ZDHHC20: variants seen among roughly 807,000 people sequenced by gnomAD.
The protein encoded by ZDHHC20 is palmitoyltransferase ZDHHC20.
ZDHHC20 carries 43 observed loss-of-function variants against 57.8 expected under a neutral mutation model. The ratio of observed to expected loss-of-function variants is 0.74; its 90% CI spans 0.58 to 0.96. The LOEUF (loss-of-function observed/expected upper bound fraction) is 0.96, where lower values mean the gene tolerates loss of function less well. Among genes scored for constraint, ZDHHC20 ranks in the 40% least tolerant of loss-of-function variants. The pLI is 0.00. For missense variants in ZDHHC20, 391 were observed against 441.1 expected (o/e 0.89, Z 1.02); for synonymous variants, 157 against 153.0 (o/e 1.03, Z -0.19).
At chr13:21,447,191 C>T (rs555143253) in intron 1 of ZDHHC20, among the ~76,000 whole-genome samples, 8 of 150,966 alleles carry the variant, frequency 5.3e-5, no homozygotes, top group African/African-American at 1.2e-4. Flanking sequence ...AACCAGAGAC[C>T]GCCGAGGTGC....
chr13:21,392,718 C>A (rs1875962491), intron 7 of ZDHHC20, among the ~76,000 whole-genome samples: 1 of 152,120 alleles, frequency 6.6e-6, no homozygotes, highest in Non-Finnish European at 1.5e-5. Context: ...TCTACTCCAC[C>A]AGAACACGAG....
chr13:21,391,887 A>G (rs1226528963), intron 7 of ZDHHC20, 33 bp from the exon 8 acceptor site: 1 of 1,591,240 alleles, frequency 6.3e-7, no homozygotes, highest in East Asian at 2.2e-5. Context: ...TTTGAGGTCA[A>G]CCTCTAAAAT....
intron 9 of ZDHHC20, among the ~76,000 whole-genome samples, chr13:21,384,413 C>T (rs1467718981): frequency 6.9e-6 from 1 of 144,524 alleles, no homozygotes; most frequent in African/African-American, 2.5e-5. Flanking sequence ...GCACTTCAGC[C>T]TGAGCACTCA....
intron 10 of ZDHHC20, 47 bp from the exon 11 acceptor site, chr13:21,381,596 A>G: frequency 7.9e-7 from 1 of 1,260,650 alleles, no homozygotes. Context: ...ATGCTCAACT[A>G]TGGATACTTA....
intron 6 of ZDHHC20, 56 bp from the exon 7 acceptor site, chr13:21,400,549 A>C: frequency 2.6e-6 from 4 of 1,510,384 alleles, no homozygotes; most frequent in Non-Finnish European, 3.5e-6. Context: ...AAATTCACAG[A>C]AATAGAAAGT....
chr13:21,443,703 T>C (rs1883405323), intron 1 of ZDHHC20, among the ~76,000 whole-genome samples: 1 of 152,234 alleles, frequency 6.6e-6, no homozygotes. Flanking sequence ...GACAGACCAC[T>C]TAATTACTTA....
intron 1 of ZDHHC20, among the ~76,000 whole-genome samples, chr13:21,448,259 C>T (rs1311197027): frequency 1.2e-5 from 1 of 83,276 alleles, no homozygotes; most frequent in African/African-American, 3.9e-5. Context: ...TGCCCGGCCG[C>T]CCCTACTGGG....
chr13:21,412,866 G>A (rs1361531482), intron 4 of ZDHHC20, among the ~76,000 whole-genome samples: 1 of 151,224 alleles, frequency 6.6e-6, no homozygotes, highest in Non-Finnish European at 1.5e-5. Context: ...CTACTCAGGA[G>A]GCTGAGGCAG....
chr13:21,418,291 T>C (rs542112323), intron 3 of ZDHHC20, among the ~76,000 whole-genome samples: 2 of 152,198 alleles, frequency 1.3e-5, no homozygotes, highest in East Asian at 1.9e-4. Flanking sequence ...GATGACCTTA[T>C]AGGAGTAGAG....
chr13:21,379,261 A>C (rs914175341), intron 11 of ZDHHC20, among the ~76,000 whole-genome samples: 3 of 152,144 alleles, frequency 2.0e-5, no homozygotes, highest in Non-Finnish European at 4.4e-5. Context: ...AAATGGAGCT[A>C]AATGTCCAGA....
intron 1 of ZDHHC20, among the ~76,000 whole-genome samples, chr13:21,454,151 C>T (rs1319360223): frequency 6.6e-6 from 1 of 152,106 alleles, no homozygotes; most frequent in African/African-American, 2.4e-5. Context: ...CATGGCAAAA[C>T]CCCATCTCTA....
chr13:21,412,874 C>T (rs1879401297), intron 4 of ZDHHC20, among the ~76,000 whole-genome samples: 1 of 143,682 alleles, frequency 7.0e-6, no homozygotes, highest in African/African-American at 2.6e-5. Context: ...GAGGCTGAGG[C>T]AGGAAATCAC....
intron 7 of ZDHHC20, among the ~76,000 whole-genome samples, chr13:21,395,388 GTA>G (rs1442133223): frequency 6.7e-6 from 1 of 149,878 alleles, no homozygotes; most frequent in Admixed American, 6.7e-5. Flanking sequence ...ATGTTATTAA[GTA>G]TGTGACCTTC....
At chr13:21,419,317 C>T (rs941012984) in intron 3 of ZDHHC20, among the ~76,000 whole-genome samples, 2 of 152,208 alleles carry the variant, frequency 1.3e-5, no homozygotes, top group Non-Finnish European at 2.9e-5. Context: ...TACAGCATTA[C>T]TTGCTAATGT....
rs1017733708 is a variant in ZDHHC20 at position 21,391,721 on chromosome 13, C to T, written c.727+1G>A. On this transcript the variant is annotated splice_donor_variant, in intron 8 of 12. Transcript: ENST00000400590. LOFTEE classifies it high-confidence loss of function. Reference sequence around the variant, plus strand: ...ATTATAATTTATTTTAACCTACTTACCTATTGTTGTTCTATTTTTTCCAAC... The same window carrying T: ...ATTATAATTTATTTTAACCTACTTATCTATTGTTGTTCTATTTTTTCCAAC... 2 of 1,604,482 alleles carry T rather than the reference C, an allele frequency of 1.2e-6. No homozygotes were observed. Among genetic ancestry groups the T allele is most frequent in the African/African-American group, 1.3e-5 (1 of 74,220 alleles).
At chr13:21,421,038 T>A in intron 3 of ZDHHC20, 23 bp downstream of exon 3, 1 of 1,574,570 alleles carries the variant, frequency 6.4e-7, no homozygotes, top group South Asian at 1.1e-5. Context: ...AAACATTTGG[T>A]AATTTACCAA....
chr13:21,397,224 G>A (rs1876933216), intron 7 of ZDHHC20, among the ~76,000 whole-genome samples: 2 of 151,870 alleles, frequency 1.3e-5, no homozygotes, highest in Non-Finnish European at 2.9e-5. Context: ...GTAAAACCCC[G>A]TCTCTGCTAG....
intron 9 of ZDHHC20, among the ~76,000 whole-genome samples, chr13:21,386,801 G>A (rs1024778765): frequency 7.9e-5 from 12 of 152,034 alleles, no homozygotes; most frequent in South Asian, 2.1e-4. Context: ...CACCTGCCTC[G>A]GCCTCCCAAA....
chr13:21,452,415 A>G (rs1443672607), intron 1 of ZDHHC20, among the ~76,000 whole-genome samples: 1 of 152,220 alleles, frequency 6.6e-6, no homozygotes, highest in African/African-American at 2.4e-5. Flanking sequence ...TTACAAACAT[A>G]CAAAAACTGA....
Sources: gnomAD v4.1 joint callset for allele counts (sites outside exome capture counted in the v4.1 genomes callset) on GRCh38, gnomAD v4.1.1 for gene constraint, MANE v1.5 for transcripts, NCBI Gene and HGNC (gene_info 2026-07-23, HGNC 2026-07-21) for gene names.